The following DYNC1I1 variants were observed in gnomAD, a reference collection of about 807,000 sequenced individuals.
The protein encoded by DYNC1I1 is dynein cytoplasmic 1 intermediate chain 1.
Under a neutral mutation model 86.6 loss-of-function variants are expected in DYNC1I1, and 43 were observed. The ratio of observed to expected loss-of-function variants is 0.50; its 90% CI spans 0.39 to 0.64. DYNC1I1 has a LOEUF of 0.64. Ranked by LOEUF, DYNC1I1 falls within the 30% of genes least tolerant of loss-of-function variation. DYNC1I1 has a pLI of 0.00. For synonymous variants in DYNC1I1, 262 were observed against 283.7 expected (o/e 0.92, Z 0.77); for missense variants, 604 against 788.8 (o/e 0.77, Z 2.81).
intron 5 of DYNC1I1, among the ~76,000 whole-genome samples, chr7:95,853,980 T>G (rs1404148676): frequency 6.6e-6 from 1 of 152,178 alleles, no homozygotes; most frequent in Non-Finnish European, 1.5e-5. Flanking sequence ...CCTCCCTCTT[T>G]TGGTTTATAT....
chr7:95,985,588 C>T (rs1793569285), intron 8 of DYNC1I1, among the ~76,000 whole-genome samples: 1 of 152,120 alleles, frequency 6.6e-6, no homozygotes, highest in Non-Finnish European at 1.5e-5. Context: ...GACTGTCAAC[C>T]ATCATCCTGG....
At chr7:96,002,881 G>A (rs1004995006) in intron 10 of DYNC1I1, among the ~76,000 whole-genome samples, 1 of 150,792 alleles carries the variant, frequency 6.6e-6, no homozygotes, top group Non-Finnish European at 1.5e-5. Flanking sequence ...ATCTTGCTCT[G>A]TCATGAGGCT....
chr7:95,851,822 G>A (rs998546359), intron 5 of DYNC1I1, among the ~76,000 whole-genome samples: 70 of 152,198 alleles, frequency 4.6e-4, no homozygotes, highest in African/African-American at 1.6e-3. Context: ...GTGCCACCAC[G>A]CCTGGCTAAT....
At chr7:96,050,215 T>A (rs1358439794) in intron 14 of DYNC1I1, among the ~76,000 whole-genome samples, 1 of 152,160 alleles carries the variant, frequency 6.6e-6, no homozygotes, top group African/African-American at 2.4e-5. Context: ...CGAGGGGGAA[T>A]GTCATGCTGG....
chr7:95,822,939 A>G (rs548132044), intron 4 of DYNC1I1, among the ~76,000 whole-genome samples: 171 of 152,296 alleles, frequency 1.1e-3, no homozygotes, highest in Non-Finnish European at 1.9e-3. Context: ...TTGGGGAAAG[A>G]TAAGGTCATG....
intron 9 of DYNC1I1, among the ~76,000 whole-genome samples, chr7:95,990,303 T>C (rs570853547): frequency 6.6e-6 from 1 of 152,170 alleles, no homozygotes; most frequent in Non-Finnish European, 1.5e-5. Flanking sequence ...ACTCCCACCA[T>C]GTATACTCAC....
chr7:95,803,988 C>G (rs1000103531), intron 1 of DYNC1I1, among the ~76,000 whole-genome samples: 5 of 152,034 alleles, frequency 3.3e-5, no homozygotes, highest in African/African-American at 1.2e-4. Context: ...AAGAACTTGC[C>G]ATGGTGTTAT....
At chr7:95,846,388 C>T (rs141239505) in intron 5 of DYNC1I1, among the ~76,000 whole-genome samples, 339 of 152,238 alleles carry the variant, frequency 2.2e-3, no homozygotes, top group African/African-American at 7.7e-3. Context: ...TTGAGCCAGA[C>T]TTGACATTTG....
At chr7:95,795,750 G>A (rs918298059) in intron 1 of DYNC1I1, among the ~76,000 whole-genome samples, 1 of 151,880 alleles carries the variant, frequency 6.6e-6, no homozygotes, top group African/African-American at 2.4e-5. Context: ...GTGGAGGGTG[G>A]GAGTAGGGAG....
intron 14 of DYNC1I1, among the ~76,000 whole-genome samples, chr7:96,070,431 A>G (rs972047486): frequency 2.6e-5 from 4 of 152,144 alleles, no homozygotes; most frequent in Non-Finnish European, 4.4e-5. Flanking sequence ...ATTTATTTTA[A>G]CTACTTCACA....
intron 7 of DYNC1I1, among the ~76,000 whole-genome samples, chr7:95,978,205 C>T (rs1793357182): frequency 6.6e-6 from 1 of 152,076 alleles, no homozygotes; most frequent in Admixed American, 6.6e-5. Flanking sequence ...CTGTTATTAC[C>T]CCTATTTATA....
chr7:95,987,065 G>A lies in DYNC1I1; in HGVS notation c.753G>A (p.Gln251=), dbSNP rs1234286371. ...GTTTAAATCCTCCTAGGGATGTTCAGGCTGGAGCCAATCTTTCTTTCAATC... is the reference window on the plus strand; with the variant it reads ...GTTTAAATCCTCCTAGGGATGTTCAAGCTGGAGCCAATCTTTCTTTCAATC... ...RELEEKDGDV[Q]AGANLSFNRQ... is the part of the protein sequence containing the mutation. The change falls in exon 9 of 17, where the codon CAG becomes CAA. Residue 251 remains glutamine, a synonymous_variant. Coordinates refer to ENST00000447467, the MANE Select transcript of DYNC1I1 (RefSeq NM_001135556.2). The A allele has an allele frequency of 6.2e-7, 1 of 1,613,708 alleles. No individual in the cohort carries two copies. The highest frequency in any genetic ancestry group is 8.5e-7 in the Non-Finnish European group (1 of 1,179,846).
chr7:96,022,980 C>T (rs974662538), intron 10 of DYNC1I1, among the ~76,000 whole-genome samples: 5 of 152,150 alleles, frequency 3.3e-5, no homozygotes, highest in African/African-American at 1.2e-4. Flanking sequence ...TTCACACCTT[C>T]CATGTTGCCA....
At chr7:96,066,785 G>A (rs1790004537) in intron 14 of DYNC1I1, among the ~76,000 whole-genome samples, 1 of 152,102 alleles carries the variant, frequency 6.6e-6, no homozygotes, top group Non-Finnish European at 1.5e-5. Context: ...AACAAAGTGA[G>A]AAAACAGATC....
chr7:96,036,425 G>A (rs1794928284), intron 13 of DYNC1I1, among the ~76,000 whole-genome samples: 1 of 152,178 alleles, frequency 6.6e-6, no homozygotes, highest in Non-Finnish European at 1.5e-5. Context: ...GTTTAGGATG[G>A]TAAGTGCAAT....
Position 96,097,684 on chromosome 7 carries a change from G to C in DYNC1I1, c.*91G>C. The C allele has an allele frequency of 1.3e-6, 2 of 1,558,088 alleles. No homozygotes were observed. Among genetic ancestry groups the C allele is most frequent in the Non-Finnish European group, 1.7e-6 (2 of 1,149,380 alleles). On this transcript the variant is annotated 3_prime_UTR_variant, in exon 17 of 17. Transcript: ENST00000447467. ...GTCTCTTGTATTCGGTGTCCATTCA[G>C]TATCAGTATTGCTGTGATATTTTGG...
chr7:95,881,576 A>G (rs941330451), intron 6 of DYNC1I1, among the ~76,000 whole-genome samples: 1 of 152,236 alleles, frequency 6.6e-6, no homozygotes, highest in African/African-American at 2.4e-5. Flanking sequence ...ATCTCTTTCA[A>G]TAGCTCAAAA....
intron 6 of DYNC1I1, among the ~76,000 whole-genome samples, chr7:95,893,819 A>C (rs747208783): frequency 1.3e-5 from 2 of 152,248 alleles, no homozygotes; most frequent in African/African-American, 2.4e-5. Context: ...AACAAAGCCA[A>C]GTGGAAAGAA....
At chr7:96,087,355 C>A (rs1383083723) in intron 16 of DYNC1I1, among the ~76,000 whole-genome samples, 3 of 152,162 alleles carry the variant, frequency 2.0e-5, no homozygotes, top group African/African-American at 7.2e-5. Context: ...AGGCCTTTGT[C>A]CCCTGAGCAA....
Sources: gnomAD v4.1 joint callset for allele counts (sites outside exome capture counted in the v4.1 genomes callset) on GRCh38, gnomAD v4.1.1 for gene constraint, MANE v1.5 for transcripts, NCBI Gene and HGNC (gene_info 2026-07-23, HGNC 2026-07-21) for gene names.